Variants in TRIM36 observed in about 807,000 individuals in gnomAD.
TRIM36 encodes E3 ubiquitin-protein ligase TRIM36.
A neutral mutation model predicts 72.4 loss-of-function variants in TRIM36; 42 were observed. The observed-to-expected ratio is 0.58, with a 90% CI of 0.45 to 0.75. The LOEUF (loss-of-function observed/expected upper bound fraction) is 0.75. TRIM36 is among the 30% of genes least tolerant of loss of function. The pLI is 0.00. For missense variants in TRIM36, 913 were observed against 857.1 expected (o/e 1.07, Z -0.81); for synonymous variants, 315 against 282.8 (o/e 1.11, Z -1.14).
chr5:115,173,545 C>CGT (rs1003709485), upstream of TRIM36, among the ~76,000 whole-genome samples: 3 of 140,092 alleles, frequency 2.1e-5, no homozygotes, highest in African/African-American at 9.2e-5. Context: ...TGTGTGTGTG[C>CGT]GCGCACGCAT....
At chr5:115,129,498 C>T (rs529640369) in intron 9 of TRIM36, among the ~76,000 whole-genome samples, 40 of 152,230 alleles carry the variant, frequency 2.6e-4, no homozygotes, top group Middle Eastern at 3.4e-3. Context: ...GCAGAGGTTG[C>T]GGTGAGCCAA....
At chr5:115,152,079 A>C (rs1753923468) in intron 2 of TRIM36, among the ~76,000 whole-genome samples, 1 of 152,220 alleles carries the variant, frequency 6.6e-6, no homozygotes, top group Admixed American at 6.5e-5. Context: ...TCGAGGAGAC[A>C]CCAGAAAAAG....
rs1394143031 is a variant in TRIM36, at chr5:115,163,675, A to T, written c.105T>A (p.Pro35=). ...KELFTHPLIL[P]CQHSICHKCV... The stretch of plus-strand genomic sequence containing the variant: ...ATTTATGACAGATACTATGTTGGCA[A>T]GGGAGAATCAATGGGTGGGTAAACA... The change falls in exon 2 of 10, where the codon CCT becomes CCA. Residue 35 remains proline (P), a synonymous_variant. Transcript: ENST00000513154. 1.2e-6 allele frequency: 2 copies of T among 1,614,088 alleles called. No individual in the cohort carries two copies. The highest frequency in any genetic ancestry group is 1.7e-6 in the Non-Finnish European group (2 of 1,180,052).
intron 8 of TRIM36, among the ~76,000 whole-genome samples, chr5:115,132,292 G>A (rs968889900): frequency 1.3e-5 from 2 of 151,642 alleles, no homozygotes; most frequent in Non-Finnish European, 2.9e-5. Context: ...CCAGCACTTT[G>A]GGAGGCCGAG....
At chr5:115,175,379 T>C (rs1165790075) in intron 1 of TRIM36, among the ~76,000 whole-genome samples, 1 of 152,174 alleles carries the variant, frequency 6.6e-6, no homozygotes, top group Non-Finnish European at 1.5e-5. Flanking sequence ...ATTTAACCCT[T>C]GCAGTAACCC....
chr5:115,132,681 C>G (rs1752757034), intron 8 of TRIM36, among the ~76,000 whole-genome samples: 1 of 152,070 alleles, frequency 6.6e-6, no homozygotes, highest in Non-Finnish European at 1.5e-5. Flanking sequence ...AAAAGTCTCC[C>G]AGTTTGCAAA....
chr5:115,126,972 C>A (rs1752391475), intron 9 of TRIM36, 115 bp from the exon 10 acceptor site: 1 of 1,069,430 alleles, frequency 9.4e-7, no homozygotes, highest in Non-Finnish European at 1.3e-6. Context: ...ACATCAAAAG[C>A]TTTCTATTAA....
chr5:115,126,995 A>G (rs1284901072), intron 9 of TRIM36, 138 bp from the exon 10 acceptor site: 1 of 901,436 alleles, frequency 1.1e-6, no homozygotes, highest in African/African-American at 1.7e-5. Context: ...CAAAATCAAA[A>G]ACATAAAAAT....
chr5:115,125,371 C>T lies in TRIM36; in HGVS notation c.*1132G>A, dbSNP rs1006766674. On this transcript the variant is annotated 3_prime_UTR_variant, in exon 10 of 10. Coordinates refer to ENST00000513154, the MANE Select transcript of TRIM36 (RefSeq NM_001300759.2). Reference sequence around the variant, plus strand: ...ATTAAAAGATATTTTAAAGGGTACACAGTCATTGTGATCTTAGTTATCATT... The same window carrying T: ...ATTAAAAGATATTTTAAAGGGTACATAGTCATTGTGATCTTAGTTATCATT... The T allele has an allele frequency of 5.3e-5, 8 of 152,174 alleles. No individual in the cohort carries two copies. Among genetic ancestry groups the T allele is most frequent in the Admixed American group, 2.0e-4 (3 of 15,282 alleles). 9.4% of individuals were successfully genotyped at this position (152,174 alleles called of 1,614,324 possible).
At chr5:115,159,340 G>C (rs1754352445) in intron 2 of TRIM36, among the ~76,000 whole-genome samples, 1 of 152,096 alleles carries the variant, frequency 6.6e-6, no homozygotes, top group Non-Finnish European at 1.5e-5. Flanking sequence ...AAATGTAAAG[G>C]ATGTTTTAAG....
chr5:115,180,237 C>G (rs1755558257), upstream of TRIM36: 2 of 512,792 alleles, frequency 3.9e-6, no homozygotes, highest in Middle Eastern at 4.5e-4. Context: ...CCCGGGCAGC[C>G]TCGCCCGGCT....
intron 9 of TRIM36, among the ~76,000 whole-genome samples, chr5:115,129,400 T>TA (rs909259655): frequency 1.3e-5 from 2 of 151,670 alleles, no homozygotes; most frequent in African/African-American, 2.4e-5. Context: ...CCATCTCTAC[T>TA]AAAAAAAATT....
chr5:115,148,063 T>C (rs139462103), intron 2 of TRIM36, among the ~76,000 whole-genome samples: 3 of 152,344 alleles, frequency 2.0e-5, no homozygotes, highest in East Asian at 1.9e-4. Context: ...AGATCATTAG[T>C]TAATTGAGTG....
At chr5:115,166,624 A>T (rs903889188) in intron 1 of TRIM36, among the ~76,000 whole-genome samples, 1 of 152,164 alleles carries the variant, frequency 6.6e-6, no homozygotes, top group Non-Finnish European at 1.5e-5. Flanking sequence ...AAATGGCAGG[A>T]CCAAACAAGC....
rs1190982454 is a variant in TRIM36, at chr5:115,169,658, C to T, written c.-24G>A. On this transcript the variant is annotated 5_prime_UTR_variant, in exon 1 of 10. Coordinates refer to ENST00000513154, the MANE Select transcript of TRIM36 (RefSeq NM_001300759.2). ...ATGGCTGCCTTCTGCCAGGTGTCAT[C>T]AGCGGCACGTTCCACTCACACCGGC... 1.3e-6 allele frequency: 2 copies of T among 1,520,392 alleles called. No individual in the cohort carries two copies. Among genetic ancestry groups the T allele is most frequent in the Non-Finnish European group, 1.8e-6 (2 of 1,139,380 alleles). 94.2% of individuals were successfully genotyped at this position (1,520,392 alleles called of 1,614,324 possible). A position where few individuals can be genotyped will look rare whatever the true frequency, so the allele number is the denominator to read the frequency against.
At chr5:115,172,740 A>C (rs1185320429), upstream of TRIM36, among the ~76,000 whole-genome samples, 7 of 151,752 alleles carry the variant, frequency 4.6e-5, no homozygotes, top group African/African-American at 1.7e-4. Flanking sequence ...TGTCTCAAAA[A>C]AAAAAAAAAG....
chr5:115,157,128 C>A (rs1451080553), intron 2 of TRIM36, among the ~76,000 whole-genome samples: 3 of 151,648 alleles, frequency 2.0e-5, no homozygotes, highest in Non-Finnish European at 4.4e-5. Context: ...CACCTTACTC[C>A]TGCAAGAATG....
intron 1 of TRIM36, among the ~76,000 whole-genome samples, chr5:115,176,676 T>A (rs1755354092): frequency 6.6e-6 from 1 of 152,196 alleles, no homozygotes. Flanking sequence ...ATTATATGAT[T>A]CCAGAAGCGG....
intron 2 of TRIM36, among the ~76,000 whole-genome samples, chr5:115,162,288 T>C (rs976369150): frequency 2.6e-5 from 4 of 152,212 alleles, no homozygotes; most frequent in African/African-American, 7.2e-5. Context: ...ATTTCGGATC[T>C]AGACAGTGAA....
Sources: gnomAD v4.1 joint callset for allele counts (sites outside exome capture counted in the v4.1 genomes callset) on GRCh38, gnomAD v4.1.1 for gene constraint, MANE v1.5 for transcripts, NCBI Gene and HGNC (gene_info 2026-07-23, HGNC 2026-07-21) for gene names.